The following POU6F2 variants were observed in gnomAD, a reference collection of about 807,000 sequenced individuals.
The protein encoded by POU6F2 is POU domain, class 6, transcription factor 2.
Under a neutral mutation model 71.3 loss-of-function variants are expected in POU6F2, and 31 were observed. The observed-to-expected ratio is 0.43, with a 90% CI of 0.33 to 0.59. POU6F2 has a LOEUF of 0.59. Among genes scored for constraint, POU6F2 ranks in the 20% least tolerant of loss-of-function variants. The pLI, the probability that POU6F2 is intolerant of heterozygous loss-of-function variation, is 0.04. For synonymous variants in POU6F2, 347 were observed against 355.7 expected (o/e 0.98, Z 0.27); for missense variants, 783 against 856.8 (o/e 0.91, Z 1.07).
At chr7:39,012,822 C>T (rs1437963162) in intron 1 of POU6F2, among the ~76,000 whole-genome samples, 30 of 151,678 alleles carry the variant, frequency 2.0e-4, no homozygotes, top group African/African-American at 7.3e-4. Context: ...GGGGTGCCTC[C>T]CAGTTAGGCT....
At position 39,433,112 on chromosome 7, in the gene POU6F2, G is replaced by A; in HGVS notation, c.1149G>A (p.Gly383=). 2 of 1,613,398 alleles carry A rather than the reference G, an allele frequency of 1.2e-6. No homozygotes were observed. The highest frequency in any genetic ancestry group is 1.7e-6 in the Non-Finnish European group (2 of 1,179,636). The part of the protein sequence containing the change: ...IGTIPLMPNP[G]PSSQAASGTQ... ...CCATTCCACTGATGCCTAATCCAGG[G>A]CCATCGAGCCAAGCAGCAAGCGGCA... Residue 383 remains glycine, a synonymous_variant, in exon 7 of 10, where the codon GGG becomes GGA. Coordinates refer to ENST00000518318, the MANE Select transcript of POU6F2 (RefSeq NM_001370959.1).
intron 7 of POU6F2, among the ~76,000 whole-genome samples, chr7:39,445,461 T>C (rs1788502699): frequency 6.6e-6 from 1 of 152,196 alleles, no homozygotes; most frequent in Non-Finnish European, 1.5e-5. Flanking sequence ...CTGTGCATTC[T>C]GTGCCCCTGG....
intron 5 of POU6F2, among the ~76,000 whole-genome samples, chr7:39,392,605 G>T (rs1197031418): frequency 1.3e-5 from 2 of 152,216 alleles, no homozygotes; most frequent in African/African-American, 2.4e-5. Flanking sequence ...CGTCAGGGAA[G>T]GGTAACTCTG....
intron 2 of POU6F2, among the ~76,000 whole-genome samples, chr7:39,161,630 C>T (rs1461628382): frequency 6.6e-6 from 1 of 152,130 alleles, no homozygotes; most frequent in Non-Finnish European, 1.5e-5. Flanking sequence ...TCTTTCAAAT[C>T]CTCAGACCAA....
intron 4 of POU6F2, among the ~76,000 whole-genome samples, chr7:39,292,952 G>C (rs1056811821): frequency 6.6e-6 from 1 of 152,084 alleles, no homozygotes; most frequent in Non-Finnish European, 1.5e-5. Flanking sequence ...GAGCCGTTTC[G>C]TACCTCCCTT....
intron 1 of POU6F2, among the ~76,000 whole-genome samples, chr7:38,996,898 G>T (rs1455873084): frequency 6.6e-6 from 1 of 152,156 alleles, no homozygotes; most frequent in Non-Finnish European, 1.5e-5. Flanking sequence ...CAGAGCACAT[G>T]GAATCTACCT....
intron 4 of POU6F2, among the ~76,000 whole-genome samples, chr7:39,235,348 T>C (rs892695817): frequency 2.6e-5 from 4 of 152,198 alleles, no homozygotes; most frequent in African/African-American, 9.6e-5. Context: ...GAACTTTTCA[T>C]ATTATTATCT....
intron 2 of POU6F2, among the ~76,000 whole-genome samples, chr7:39,157,381 TATC>T (rs1315230969): frequency 6.6e-6 from 1 of 152,130 alleles, no homozygotes; most frequent in Non-Finnish European, 1.5e-5. Flanking sequence ...ATTTTGTAAA[TATC>T]ATCAGAAGCA....
chr7:38,978,597 C>A (rs375245526), intron 1 of POU6F2, among the ~76,000 whole-genome samples: 9 of 152,162 alleles, frequency 5.9e-5, no homozygotes, highest in African/African-American at 2.2e-4. Context: ...TAGTAGTAGT[C>A]TTGGCTGCTG....
intron 5 of POU6F2, among the ~76,000 whole-genome samples, chr7:39,399,641 C>G (rs1048812770): frequency 6.6e-6 from 1 of 152,036 alleles, no homozygotes; most frequent in African/African-American, 2.4e-5. Context: ...ATCACTGGAG[C>G]CCAGGAGTTT....
In POU6F2 at chr7:39,401,434, A is replaced by G. The variant is rs1043995727; in HGVS notation, c.973-5166A>G. ...AACAATAATGATGAGACCCGGGGGG[A>G]AAATTTAGTAGGATAAAACACACAT... is the stretch of plus-strand genomic sequence containing the variant. On this transcript the variant is annotated intron_variant, in intron 5 of 9. Transcript: ENST00000518318. 9.2e-5 allele frequency among the ~76,000 whole-genome samples: 14 copies of G among 152,102 alleles called. No individual in the cohort carries two copies. The East Asian group carries it at 9.6e-4, about 10-fold the overall frequency.
chr7:39,417,690 A>G (rs1787711146), intron 6 of POU6F2, among the ~76,000 whole-genome samples: 1 of 152,338 alleles, frequency 6.6e-6, no homozygotes, highest in South Asian at 2.1e-4. Flanking sequence ...CAATAGATAC[A>G]ATAAACCAAT....
chr7:39,226,339 G>A (rs1794460233), intron 4 of POU6F2, among the ~76,000 whole-genome samples: 2 of 152,286 alleles, frequency 1.3e-5, no homozygotes, highest in Admixed American at 6.5e-5. Context: ...TGTGTTCAGT[G>A]GAGAGGCCTG....
chr7:39,031,485 T>C (rs1183244955), intron 1 of POU6F2, among the ~76,000 whole-genome samples: 1 of 152,206 alleles, frequency 6.6e-6, no homozygotes, highest in Non-Finnish European at 1.5e-5. Context: ...ACAAAACACC[T>C]ACTCTATATT....
At chr7:38,983,505 G>C (rs376302079) in intron 1 of POU6F2, among the ~76,000 whole-genome samples, 29 of 151,558 alleles carry the variant, frequency 1.9e-4, no homozygotes, top group African/African-American at 6.5e-4. Flanking sequence ...GTCTTAAACT[G>C]ATCCAAAATT....
In POU6F2 at chr7:39,405,597, T is replaced by C. The variant is rs556764785; in HGVS notation, c.973-1003T>C. ...GAAAAAAATAACACCCTAGAATAAA[T>C]ACAAATGAAATTCATGTATCAAAAC... On this transcript the variant is annotated intron_variant, in intron 5 of 9. Coordinates refer to ENST00000518318, the MANE Select transcript of POU6F2 (RefSeq NM_001370959.1). 5.1e-4 allele frequency among the ~76,000 whole-genome samples: 77 copies of C among 152,288 alleles called. No individual in the cohort carries two copies. The South Asian group carries it at 6.6e-3, about 13-fold the overall frequency.
At chr7:39,224,063 A>G (rs769152228) in intron 4 of POU6F2, among the ~76,000 whole-genome samples, 1 of 152,156 alleles carries the variant, frequency 6.6e-6, no homozygotes, top group Non-Finnish European at 1.5e-5. Context: ...TGACATTTAT[A>G]TCATCTGTAC....
At chr7:39,443,435 G>A (rs57879716) in intron 7 of POU6F2, among the ~76,000 whole-genome samples, 1 of 152,342 alleles carries the variant, frequency 6.6e-6, no homozygotes, top group East Asian at 1.9e-4. Flanking sequence ...AGGCACCAAT[G>A]GGCCTGTCCC....
At chr7:39,124,090 C>T (rs1360423570) in intron 2 of POU6F2, among the ~76,000 whole-genome samples, 11 of 150,270 alleles carry the variant, frequency 7.3e-5, no homozygotes, top group East Asian at 5.9e-4. Context: ...TCTGTCACCC[C>T]GGCTGGAGTG....
Sources: gnomAD v4.1 joint callset for allele counts (sites outside exome capture counted in the v4.1 genomes callset) on GRCh38, gnomAD v4.1.1 for gene constraint, MANE v1.5 for transcripts, NCBI Gene and HGNC (gene_info 2026-07-23, HGNC 2026-07-21) for gene names.